Variants in TMEM132D observed in about 807,000 individuals in gnomAD.
The protein encoded by TMEM132D is transmembrane protein 132D.
TMEM132D carries 21 observed loss-of-function variants against 62.3 expected under a neutral mutation model. The ratio of observed to expected loss-of-function variants is 0.34; its 90% CI spans 0.24 to 0.49. The LOEUF is 0.49. Ranked by LOEUF, TMEM132D falls within the 20% of genes least tolerant of loss-of-function variation. TMEM132D has a pLI of 0.99. For synonymous variants in TMEM132D, 621 were observed against 575.6 expected, an observed-to-expected ratio of 1.08 and a Z score of -1.13; for missense variants, 1,346 against 1,402.8, an observed-to-expected ratio of 0.96 and a Z score of 0.65.
At chr12:129,434,892 C>G (rs1872748878) in intron 3 of TMEM132D, among the ~76,000 whole-genome samples, 1 of 152,144 alleles carries the variant, frequency 6.6e-6, no homozygotes, top group Admixed American at 6.5e-5. Flanking sequence ...CCCTACAGTG[C>G]TGCAGCACAC....
chr12:129,184,862 G>A (rs1481330005), intron 5 of TMEM132D, among the ~76,000 whole-genome samples: 3 of 151,776 alleles, frequency 2.0e-5, no homozygotes, highest in Non-Finnish European at 2.9e-5. Context: ...CGAGTGTTTG[G>A]GGTGAGGGTG....
At chr12:129,525,507 G>A (rs1876003409) in intron 3 of TMEM132D, among the ~76,000 whole-genome samples, 1 of 152,018 alleles carries the variant, frequency 6.6e-6, no homozygotes, top group African/African-American at 2.4e-5. Context: ...GGTCTAGGAG[G>A]ACTTGGGCAT....
chr12:129,710,012 A>G (rs1697826625), intron 1 of TMEM132D, among the ~76,000 whole-genome samples: 1 of 152,206 alleles, frequency 6.6e-6, no homozygotes, highest in South Asian at 2.1e-4. Flanking sequence ...TAGCAAATGA[A>G]CTGAATCCCA....
At chr12:129,583,022 C>A (rs1171794529) in intron 2 of TMEM132D, among the ~76,000 whole-genome samples, 3 of 152,058 alleles carry the variant, frequency 2.0e-5, no homozygotes, top group Admixed American at 6.5e-5. Flanking sequence ...ATTGGCCAGA[C>A]TGGTCTTGAT....
At chr12:129,349,638 G>A (rs1453269551) in intron 3 of TMEM132D, among the ~76,000 whole-genome samples, 2 of 152,104 alleles carry the variant, frequency 1.3e-5, no homozygotes, top group Admixed American at 6.5e-5. Context: ...CTCTAGTAAG[G>A]CCTGTTCAGC....
intron 2 of TMEM132D, among the ~76,000 whole-genome samples, chr12:129,543,117 A>AGATG (rs575079072): frequency 0.011 from 1,507 of 141,090 alleles, 30 homozygotes; most frequent in African/African-American, 0.037. Context: ...ATAGATGGAT[A>AGATG]GATGGATGGA....
At chr12:129,713,945 C>A (rs758779285) in intron 1 of TMEM132D, among the ~76,000 whole-genome samples, 2 of 152,182 alleles carry the variant, frequency 1.3e-5, no homozygotes, top group African/African-American at 4.8e-5. Context: ...AAACTCACCT[C>A]GAAACTGTTG....
At chr12:129,139,581 G>C (rs780349348) in intron 5 of TMEM132D, among the ~76,000 whole-genome samples, 1 of 152,198 alleles carries the variant, frequency 6.6e-6, no homozygotes, top group Non-Finnish European at 1.5e-5. Flanking sequence ...TTCAAATCTT[G>C]TGTCTGCTGT....
chr12:129,232,246 C>T (rs1879662453), intron 4 of TMEM132D, among the ~76,000 whole-genome samples: 1 of 152,136 alleles, frequency 6.6e-6, no homozygotes. Context: ...TTAGTGATTC[C>T]AGAGTGCCTT....
intron 5 of TMEM132D, among the ~76,000 whole-genome samples, chr12:129,134,653 A>T (rs951368286): frequency 1.3e-5 from 2 of 152,208 alleles, no homozygotes; most frequent in Non-Finnish European, 2.9e-5. Flanking sequence ...CCAAGAGAAC[A>T]ATTTGTCCAA....
At chr12:129,420,951 G>A (rs7301256) in intron 3 of TMEM132D, among the ~76,000 whole-genome samples, 105,689 of 149,846 alleles carry the variant, frequency 0.71, 37,336 homozygotes, top group East Asian at 0.76. Flanking sequence ...CCGAGCTGTT[G>A]GTAGATCTAC....
At chr12:129,452,259 C>T (rs78648253) in intron 3 of TMEM132D, among the ~76,000 whole-genome samples, 6,228 of 152,246 alleles carry the variant, frequency 0.041, 276 homozygotes, top group East Asian at 0.16. Context: ...TGCCGAACAC[C>T]GGAAGAAAGG....
rs796797554 is a variant in TMEM132D, at chr12:129,289,565, GA to G, written c.1299+48068del. On this transcript the variant is annotated intron_variant, in intron 4 of 8. Coordinates refer to ENST00000422113, the MANE Select transcript of TMEM132D (RefSeq NM_133448.3). ...ATCTCAATAAAAAAAAAAAAAAAAA[GA>G]AAAAAAAGAAAAAGAAAAGGAAAAG... 3.3e-3 allele frequency among the ~76,000 whole-genome samples: 439 copies of G among 132,870 alleles called. 2 individuals are homozygous for G. Among genetic ancestry groups the G allele is most frequent in the South Asian group, 9.1e-3 (38 of 4,184 alleles). The allele number at this position is 132,870 out of a possible 152,430, so 87.2% of individuals were successfully genotyped here. A position where few individuals can be genotyped will look rare whatever the true frequency, so the allele number is the denominator to read the frequency against.
At chr12:129,258,556 A>C (rs1880469547) in intron 4 of TMEM132D, among the ~76,000 whole-genome samples, 1 of 152,194 alleles carries the variant, frequency 6.6e-6, no homozygotes, top group African/African-American at 2.4e-5. Flanking sequence ...TCAAATTGAC[A>C]TCTGTGAAGG....
chr12:129,446,838 G>A (rs1237044556), intron 3 of TMEM132D, among the ~76,000 whole-genome samples: 2 of 152,118 alleles, frequency 1.3e-5, no homozygotes, highest in African/African-American at 4.8e-5. Flanking sequence ...AACAGCGATT[G>A]TGCCTGCCAA....
rs528458411 is a variant in TMEM132D, at chr12:129,566,389, G to A, written c.969-35184C>T. Among the ~76,000 whole-genome samples the A allele has an allele frequency of 8.5e-5, 13 of 152,142 alleles. No individual in the cohort carries two copies. The South Asian group carries it at 2.7e-3, about 32-fold the overall frequency. Reference sequence around the variant, plus strand: ...GAATGAACCCCCTCCTCTTAGCCAAGGTCCTTCTGAAGTTAACCTGAAAAA... The same window carrying A: ...GAATGAACCCCCTCCTCTTAGCCAAAGTCCTTCTGAAGTTAACCTGAAAAA... On this transcript the variant is annotated intron_variant, in intron 2 of 8. Transcript: ENST00000422113.
chr12:129,450,637 C>G (rs946559152), intron 3 of TMEM132D, among the ~76,000 whole-genome samples: 1 of 152,038 alleles, frequency 6.6e-6, no homozygotes, highest in Non-Finnish European at 1.5e-5. Context: ...AGCTGTGAAA[C>G]CAGGATTTGC....
intron 1 of TMEM132D, among the ~76,000 whole-genome samples, chr12:129,834,558 G>A (rs920074160): frequency 6.6e-6 from 1 of 151,928 alleles, no homozygotes; most frequent in African/African-American, 2.4e-5. Context: ...TGCACCAGCT[G>A]CTAGCACTGG....
intron 3 of TMEM132D, among the ~76,000 whole-genome samples, chr12:129,509,490 C>A (rs1003167973): frequency 5.3e-4 from 81 of 152,152 alleles, no homozygotes; most frequent in African/African-American, 1.8e-3. Context: ...CAATTATATT[C>A]TTTTAGTTAT....
Sources: gnomAD v4.1 joint callset for allele counts (sites outside exome capture counted in the v4.1 genomes callset) on GRCh38, gnomAD v4.1.1 for gene constraint, MANE v1.5 for transcripts, NCBI Gene and HGNC (gene_info 2026-07-23, HGNC 2026-07-21) for gene names.